Variants in CABCOCO1 observed in about 807,000 individuals in gnomAD.
The protein encoded by CABCOCO1 is ciliary associated calcium binding coiled-coil 1, also known as ciliary-associated calcium-binding coiled-coil protein 1.
In CABCOCO1, 28 loss-of-function variants were observed where a neutral mutation model predicts 35.7. That is an observed-to-expected ratio of 0.78 (90% CI 0.58 to 1.07). The LOEUF (loss-of-function observed/expected upper bound fraction) is 1.07, where lower values mean the gene tolerates loss of function less well. CABCOCO1 is among the 50% of genes least tolerant of loss of function. The probability of loss-of-function intolerance (pLI) is 0.00; values close to 1 mark genes in which losing one functional copy is unlikely to be tolerated. For synonymous variants in CABCOCO1, 95 were observed against 100.1 expected, an observed-to-expected ratio of 0.95 and a Z score of 0.30; for missense variants, 326 against 309.2, an observed-to-expected ratio of 1.05 and a Z score of -0.41.
intron 5 of CABCOCO1, among the ~76,000 whole-genome samples, chr10:61,753,624 GAAAAC>G (rs1468319785): frequency 6.6e-6 from 1 of 152,124 alleles, no homozygotes; most frequent in Non-Finnish European, 1.5e-5. Context: ...TTTGAAACTG[GAAAAC>G]AAAAGATAAA....
intron 5 of CABCOCO1, among the ~76,000 whole-genome samples, chr10:61,755,921 T>C (rs2132086740): frequency 6.6e-6 from 1 of 152,172 alleles, no homozygotes; most frequent in South Asian, 2.1e-4. Flanking sequence ...CCTATAAGCA[T>C]GTTTTTAGAT....
chr10:61,709,152 T>G (rs981193033), intron 5 of CABCOCO1, among the ~76,000 whole-genome samples: 19 of 152,156 alleles, frequency 1.2e-4, no homozygotes, highest in African/African-American at 4.6e-4. Flanking sequence ...CAGTTAATTT[T>G]GAATAAGAGA....
At chr10:61,759,284 G>T (rs1841960059) in intron 5 of CABCOCO1, among the ~76,000 whole-genome samples, 1 of 151,988 alleles carries the variant, frequency 6.6e-6, no homozygotes, top group Non-Finnish European at 1.5e-5. Flanking sequence ...AAAATCAAAT[G>T]TTGCTTATTA....
chr10:61,680,572 A>T lies in CABCOCO1; in HGVS notation c.165-571A>T, dbSNP rs564772964. On this transcript the variant is annotated intron_variant, in intron 2 of 7. Transcript: ENST00000648843. Reference sequence around the variant, plus strand: ...TAACATATAATATATATTTGTATATATTATGTTATATATAACATATGTTAT... The same window carrying T: ...TAACATATAATATATATTTGTATATTTTATGTTATATATAACATATGTTAT... 6.6e-4 allele frequency among the ~76,000 whole-genome samples: 71 copies of T among 107,288 alleles called. 7 individuals are homozygous for T. The highest frequency in any genetic ancestry group is 1.9e-4 in the Non-Finnish European group (11 of 56,428). The allele number at this position is 107,288 out of a possible 152,430, so 70.4% of individuals were successfully genotyped here.
At chr10:61,697,274 A>G (rs1354774039) in intron 5 of CABCOCO1, among the ~76,000 whole-genome samples, 3 of 152,120 alleles carry the variant, frequency 2.0e-5, no homozygotes, top group Non-Finnish European at 2.9e-5. Context: ...ACTTTATTTA[A>G]AGGAAGTACT....
At chr10:61,709,688 A>C (rs1203669044) in intron 5 of CABCOCO1, among the ~76,000 whole-genome samples, 2 of 145,976 alleles carry the variant, frequency 1.4e-5, no homozygotes, top group Non-Finnish European at 3.0e-5. Flanking sequence ...TGTCCCCCTC[A>C]AATTTAAAAA....
At chr10:61,689,970 A>G (rs766827508) in intron 4 of CABCOCO1, among the ~76,000 whole-genome samples, 46 of 152,250 alleles carry the variant, frequency 3.0e-4, no homozygotes, top group Non-Finnish European at 5.3e-4. Flanking sequence ...GATCTTTCTT[A>G]AATTAATTTT....
intron 5 of CABCOCO1, among the ~76,000 whole-genome samples, chr10:61,758,671 G>T (rs1343349939): frequency 1.3e-5 from 2 of 152,014 alleles, no homozygotes; most frequent in Non-Finnish European, 2.9e-5. Context: ...GCACACCAGG[G>T]TTTAATTCCC....
intron 5 of CABCOCO1, among the ~76,000 whole-genome samples, chr10:61,736,818 G>T (rs1415399409): frequency 5.9e-5 from 9 of 152,154 alleles, no homozygotes; most frequent in Admixed American, 4.6e-4. Context: ...TGATTTCTTT[G>T]AGCAGTGTTT....
At chr10:61,751,213 C>CTTTTTT (rs57540074) in intron 5 of CABCOCO1, among the ~76,000 whole-genome samples, 1 of 106,500 alleles carries the variant, frequency 9.4e-6, no homozygotes, top group African/African-American at 3.7e-5. Context: ...TTGCCTTGCT[C>CTTTTTT]TTTTTTTTTT....
intron 1 of CABCOCO1, among the ~76,000 whole-genome samples, chr10:61,665,701 C>T (rs889186634): frequency 6.6e-6 from 1 of 151,822 alleles, no homozygotes; most frequent in African/African-American, 2.4e-5. Flanking sequence ...TCCTGGCTAA[C>T]ACGGTGAAAC....
At chr10:61,683,533 C>A (rs1484762233) in intron 3 of CABCOCO1, among the ~76,000 whole-genome samples, 1 of 152,050 alleles carries the variant, frequency 6.6e-6, no homozygotes. Flanking sequence ...TGCATTCCAG[C>A]CTGGGCAACA....
intron 5 of CABCOCO1, among the ~76,000 whole-genome samples, chr10:61,700,420 C>T (rs1170136682): frequency 6.6e-6 from 1 of 151,932 alleles, no homozygotes; most frequent in African/African-American, 2.4e-5. Context: ...AGCCAATAAA[C>T]TTATGCAAAG....
At chr10:61,735,984 T>C (rs879710132) in intron 5 of CABCOCO1, among the ~76,000 whole-genome samples, 2 of 152,158 alleles carry the variant, frequency 1.3e-5, no homozygotes, top group African/African-American at 2.4e-5. Flanking sequence ...TTCATGTCCT[T>C]TGCCCACTTG....
intron 3 of CABCOCO1, among the ~76,000 whole-genome samples, chr10:61,683,048 G>A (rs1176801188): frequency 9.2e-5 from 14 of 151,834 alleles, no homozygotes; most frequent in Admixed American, 5.2e-4. Flanking sequence ...GCGCTACCAC[G>A]CCCAGCTAAT....
intron 5 of CABCOCO1, among the ~76,000 whole-genome samples, chr10:61,755,975 T>C (rs2132086833): frequency 6.6e-6 from 1 of 152,164 alleles, no homozygotes; most frequent in African/African-American, 2.4e-5. Context: ...TCAAAATTCT[T>C]AGTGTTTATT....
At chr10:61,705,616 C>G (rs1589132584) in intron 5 of CABCOCO1, among the ~76,000 whole-genome samples, 2 of 151,866 alleles carry the variant, frequency 1.3e-5, no homozygotes, top group South Asian at 4.2e-4. Flanking sequence ...TAGAGGTTAC[C>G]CTAAAGAGGT....
At chr10:61,667,028 AATTAT>A (rs555832004) in intron 1 of CABCOCO1, among the ~76,000 whole-genome samples, 1,833 of 130,092 alleles carry the variant, frequency 0.014, 12 homozygotes, top group Middle Eastern at 0.038. Flanking sequence ...ATATAAATAT[AATTAT>A]ATTATATATA....
chr10:61,756,212 A>T (rs888061209), intron 5 of CABCOCO1, among the ~76,000 whole-genome samples: 7 of 152,078 alleles, frequency 4.6e-5, no homozygotes, highest in African/African-American at 1.7e-4. Context: ...TAAATACCGT[A>T]GCACAAGTCA....
Sources: allele counts gnomAD v4.1 joint callset (sites outside exome capture counted in the v4.1 genomes callset), GRCh38; gene constraint gnomAD v4.1.1; transcripts MANE v1.5; gene names NCBI Gene and HGNC (gene_info 2026-07-23, HGNC 2026-07-21).